SLC7A14: variants seen among roughly 807,000 people sequenced by gnomAD.
The protein encoded by SLC7A14 is solute carrier family 7 member 14.
In SLC7A14, 37 loss-of-function variants were observed where a neutral mutation model predicts 60.2. The ratio of observed to expected loss-of-function variants is 0.61; its 90% confidence interval spans 0.47 to 0.81. The LOEUF (loss-of-function observed/expected upper bound fraction) is 0.81. Among genes scored for constraint, SLC7A14 ranks in the 30% least tolerant of loss-of-function variants. SLC7A14 has a pLI of 0.00. For synonymous variants in SLC7A14, 399 were observed against 395.8 expected, an observed-to-expected ratio of 1.01 and a Z score of -0.10; for missense variants, 886 against 982.7, an observed-to-expected ratio of 0.90 and a Z score of 1.32.
chr3:170,540,688 G>A (rs866522087), intron 1 of SLC7A14, among the ~76,000 whole-genome samples: 8 of 152,022 alleles, frequency 5.3e-5, no homozygotes, highest in East Asian at 1.9e-4. Context: ...ATGTCTTTCC[G>A]TTAGGAAATC....
intron 2 of SLC7A14, among the ~76,000 whole-genome samples, chr3:170,518,628 C>T (rs1315090534): frequency 6.6e-6 from 1 of 152,232 alleles, no homozygotes; most frequent in Admixed American, 6.5e-5. Flanking sequence ...CCCGGCATGG[C>T]CTCCAAATCC....
At chr3:170,531,869 T>C (rs1251681724) in intron 1 of SLC7A14, among the ~76,000 whole-genome samples, 1 of 152,186 alleles carries the variant, frequency 6.6e-6, no homozygotes, top group Admixed American at 6.5e-5. Context: ...CTTGCTGGCA[T>C]GCTCGAGGGT....
chr3:170,580,538 C>T (rs1041034056), intron 1 of SLC7A14, among the ~76,000 whole-genome samples: 2 of 152,150 alleles, frequency 1.3e-5, no homozygotes, highest in African/African-American at 4.8e-5. Flanking sequence ...TAATATAGTC[C>T]CATATGCAAC....
chr3:170,513,635 T>C (rs530662312), intron 2 of SLC7A14, among the ~76,000 whole-genome samples: 5 of 152,254 alleles, frequency 3.3e-5, no homozygotes, highest in African/African-American at 9.6e-5. Context: ...CTATGTTGCA[T>C]GTTAGCAAAT....
intron 1 of SLC7A14, among the ~76,000 whole-genome samples, chr3:170,579,108 A>G (rs1715172277): frequency 6.6e-6 from 1 of 152,228 alleles, no homozygotes. Flanking sequence ...TGATAAACTC[A>G]TAGACTAAAC....
intron 4 of SLC7A14, among the ~76,000 whole-genome samples, chr3:170,489,387 G>A (rs963015925): frequency 6.6e-6 from 1 of 152,132 alleles, no homozygotes; most frequent in Non-Finnish European, 1.5e-5. Flanking sequence ...ACTATAATCA[G>A]ATATTATCTC....
At chr3:170,528,909 C>T (rs1027038722) in intron 1 of SLC7A14, among the ~76,000 whole-genome samples, 4 of 152,110 alleles carry the variant, frequency 2.6e-5, no homozygotes. Flanking sequence ...CTATTTATTT[C>T]CACTCAGCCA....
chr3:170,526,377 G>C, intron 2 of SLC7A14, among the ~76,000 whole-genome samples: 1 of 151,692 alleles, frequency 6.6e-6, no homozygotes. Flanking sequence ...ACTCCAGCCT[G>C]GGCGACAGAG....
rs1175192063 is a variant in SLC7A14 at position 170,527,014 on chromosome 3, A to T, written c.-78T>A. The T allele has an allele frequency of 4.1e-6, 6 of 1,454,838 alleles. No individual in the cohort carries two copies. The Admixed American group carries it at 6.4e-5, about 15-fold the overall frequency. 90.1% of individuals were successfully genotyped at this position (1,454,838 alleles called of 1,614,324 possible). On this transcript the variant is annotated 5_prime_UTR_variant, in exon 2 of 8. It removes an upstream start codon present in the reference 5' UTR. Coordinates refer to ENST00000231706, the MANE Select transcript of SLC7A14 (RefSeq NM_020949.3). ...GCCTTAGTGGATGGTTCTGGAACTC[A>T]TCTAGTGAACAGGGATCTCCCTTTT...
At chr3:170,506,046 G>C (rs1008813851) in intron 2 of SLC7A14, among the ~76,000 whole-genome samples, 1 of 152,206 alleles carries the variant, frequency 6.6e-6, no homozygotes, top group Non-Finnish European at 1.5e-5. Context: ...TGATTAGAGG[G>C]AGAGGCATAT....
At chr3:170,544,230 A>G (rs1307385467) in intron 1 of SLC7A14, among the ~76,000 whole-genome samples, 1 of 152,032 alleles carries the variant, frequency 6.6e-6, no homozygotes, top group Non-Finnish European at 1.5e-5. Context: ...AAATCTCCAA[A>G]TAAAAAGGGG....
intron 1 of SLC7A14, chr3:170,570,371 C>A (rs1714912969): frequency 6.6e-6 from 1 of 151,886 alleles, no homozygotes; most frequent in African/African-American, 2.4e-5. Flanking sequence ...TCAGTTGAGC[C>A]CTGCTAGGTC....
intron 2 of SLC7A14, among the ~76,000 whole-genome samples, chr3:170,521,633 T>A (rs1284007960): frequency 6.6e-6 from 1 of 152,172 alleles, no homozygotes; most frequent in Non-Finnish European, 1.5e-5. Flanking sequence ...AATTACAAAA[T>A]GGGCAAAAGG....
chr3:170,565,862 T>C (rs999996466), intron 1 of SLC7A14, among the ~76,000 whole-genome samples: 1 of 151,724 alleles, frequency 6.6e-6, no homozygotes. Flanking sequence ...AGAAGAGTAA[T>C]GGAAAAAAAC....
chr3:170,530,181 G>T (rs1157608556), intron 1 of SLC7A14, among the ~76,000 whole-genome samples: 1 of 152,154 alleles, frequency 6.6e-6, no homozygotes, highest in East Asian at 1.9e-4. Flanking sequence ...AATAAAATGG[G>T]GGTGATAAAG....
chr3:170,526,690 C>T lies in SLC7A14; in HGVS notation c.247G>A (p.Ala83Thr). ...AAGGACACAATGACACCAGGTCCTG[C>T]CATTTCCTTGGCCACCAGGCCAGAG... ...VVSGLVAKEMAGPGVIVSFII... is the reference protein window; with the variant it reads ...VVSGLVAKEMTGPGVIVSFII... The change falls in exon 2 of 8, where the codon GCA becomes ACA. Residue 83 changes from alanine (A) to threonine (T), a missense_variant. Transcript: ENST00000231706. The T allele has an allele frequency of 6.2e-7, 1 of 1,614,242 alleles. No homozygotes were observed. Among genetic ancestry groups the T allele is most frequent in the Non-Finnish European group, 8.5e-7 (1 of 1,180,052 alleles).
At chr3:170,546,136 C>G (rs1483980702) in intron 1 of SLC7A14, among the ~76,000 whole-genome samples, 1 of 152,242 alleles carries the variant, frequency 6.6e-6, no homozygotes, top group Non-Finnish European at 1.5e-5. Flanking sequence ...GGCTGCCCAT[C>G]TAATCACAAA....
In SLC7A14 at chr3:170,470,183, C is replaced by T. The variant is rs902196218; in HGVS notation, c.1994-2806G>A. Among the ~76,000 whole-genome samples, 7 of 152,130 alleles carry T rather than the reference C, an allele frequency of 4.6e-5. No individual in the cohort carries two copies. In the South Asian group the frequency reaches 6.2e-4, roughly 14 times the overall value. ...TACATGGAGGGAGAGAAGTCTCTTG[C>T]GTGTCTAGTCCTTCACACCTCCTCT... On this transcript the variant is annotated intron_variant, in intron 7 of 7. Coordinates refer to ENST00000231706, the MANE Select transcript of SLC7A14 (RefSeq NM_020949.3).
chr3:170,476,321 C>T (rs956800508), intron 7 of SLC7A14, among the ~76,000 whole-genome samples: 3 of 152,208 alleles, frequency 2.0e-5, no homozygotes, highest in Non-Finnish European at 4.4e-5. Flanking sequence ...GATACTAAAG[C>T]AGTTAGCAGC....
Sources: gnomAD v4.1 joint callset for allele counts (sites outside exome capture counted in the v4.1 genomes callset) on GRCh38, gnomAD v4.1.1 for gene constraint, MANE v1.5 for transcripts, NCBI Gene and HGNC (gene_info 2026-07-23, HGNC 2026-07-21) for gene names.